The following LRRN1 variants were observed in gnomAD, a reference collection of about 807,000 sequenced individuals.
The protein encoded by LRRN1 is leucine rich repeat neuronal 1, also known as leucine-rich repeat neuronal protein 1.
A neutral mutation model predicts 45.8 loss-of-function variants in LRRN1; 14 were observed. That is an observed-to-expected ratio of 0.31 (90% CI 0.20 to 0.48). The LOEUF is 0.48. Ranked by LOEUF, LRRN1 falls within the 20% of genes least tolerant of loss-of-function variation. The pLI, the probability that LRRN1 is intolerant of heterozygous loss-of-function variation, is 0.99. For synonymous variants in LRRN1, 359 were observed against 330.1 expected, an observed-to-expected ratio of 1.09 and a Z score of -0.95; for missense variants, 789 against 874.2, an observed-to-expected ratio of 0.90 and a Z score of 1.23.
chr3:3,846,213 C>T lies in LRRN1; in HGVS notation c.1572C>T (p.Thr524=), dbSNP rs1313446685. Residue 524 remains threonine, a synonymous_variant, in exon 2 of 2, where the codon ACC becomes ACT. Coordinates refer to ENST00000319331, the MANE Select transcript of LRRN1 (RefSeq NM_020873.7). The surrounding 1 kb of genome is among the most constrained non-coding windows in gnomAD (Gnocchi z 5.7). ...TTAATGGGACCCTTCTGGATGGTACCCAGGTGCTAAAAATATACGTCAAGC... is the reference window on the plus strand; with the variant it reads ...TTAATGGGACCCTTCTGGATGGTACTCAGGTGCTAAAAATATACGTCAAGC... ...IKVNGTLLDG[T]QVLKIYVKQT... 4 of 1,613,980 alleles carry T rather than the reference C, an allele frequency of 2.5e-6. No homozygotes were observed. Among genetic ancestry groups the T allele is most frequent in the South Asian group, 2.2e-5 (2 of 91,080 alleles).
intron 1 of LRRN1, among the ~76,000 whole-genome samples, chr3:3,824,530 G>C (rs1693174597): frequency 9.4e-6 from 1 of 106,000 alleles, no homozygotes; most frequent in Non-Finnish European, 2.7e-5. Context: ...TTGTTCGGCT[G>C]ACCTGACTAA....
intron 1 of LRRN1, among the ~76,000 whole-genome samples, chr3:3,837,979 T>C (rs902069940): frequency 2.0e-5 from 3 of 152,128 alleles, no homozygotes; most frequent in Non-Finnish European, 4.4e-5. Context: ...AGTGAGAACA[T>C]GTGGTGTTTG....
intron 1 of LRRN1, among the ~76,000 whole-genome samples, chr3:3,806,520 C>T (rs777071605): frequency 6.6e-6 from 1 of 152,154 alleles, no homozygotes; most frequent in Non-Finnish European, 1.5e-5. Flanking sequence ...GAACTTTAAA[C>T]TGAAGATGGA....
chr3:3,837,727 TA>T lies in LRRN1; in HGVS notation c.-278-6635del, dbSNP rs530768133. Among the ~76,000 whole-genome samples, 12 of 151,818 alleles carry T rather than the reference TA, an allele frequency of 7.9e-5. No individual in the cohort carries two copies. In the East Asian group the frequency reaches 2.4e-3, roughly 30 times the overall value. ...TTTTTTCTTTTTTTTTAATTAATTT[TA>T]ATTTTTTTTTTTAAAGCTCCAGGGT... is the stretch of plus-strand genomic sequence containing the variant. On this transcript the variant is annotated intron_variant, in intron 1 of 1. Transcript: ENST00000319331.
At chr3:3,803,714 CTT>C (rs1482094947) in intron 1 of LRRN1, among the ~76,000 whole-genome samples, 3 of 152,156 alleles carry the variant, frequency 2.0e-5, no homozygotes, top group African/African-American at 4.8e-5. Context: ...TTTATTCTCT[CTT>C]GTTTTGGCTC....
At chr3:3,842,149 A>T (rs1440354096) in intron 1 of LRRN1, among the ~76,000 whole-genome samples, 1 of 152,204 alleles carries the variant, frequency 6.6e-6, no homozygotes, top group South Asian at 2.1e-4. Context: ...GGGTATAGTA[A>T]AAATATGGTA....
At chr3:3,830,831 T>C (rs1371201031) in intron 1 of LRRN1, among the ~76,000 whole-genome samples, 1 of 152,216 alleles carries the variant, frequency 6.6e-6, no homozygotes, top group Admixed American at 6.5e-5. Flanking sequence ...GGTTGCATGG[T>C]AGCTTGGTGA....
chr3:3,804,791 A>T (rs1692721270), intron 1 of LRRN1, among the ~76,000 whole-genome samples: 1 of 29,926 alleles, frequency 3.3e-5, no homozygotes, highest in Admixed American at 2.9e-4. Flanking sequence ...TTAACAATGT[A>T]CATGTGACAT....
intron 1 of LRRN1, among the ~76,000 whole-genome samples, chr3:3,825,372 T>C (rs1033788114): frequency 1.3e-5 from 2 of 152,144 alleles, no homozygotes; most frequent in African/African-American, 4.8e-5. Context: ...TGTGATGGAT[T>C]TGCCCTTGCC....
intron 1 of LRRN1, among the ~76,000 whole-genome samples, chr3:3,839,142 T>A (rs1030992625): frequency 2.6e-5 from 4 of 152,178 alleles, no homozygotes. Flanking sequence ...TTAGGTCTTA[T>A]GGTTAGGTCT....
chr3:3,802,484 C>T (rs1264058406), intron 1 of LRRN1, among the ~76,000 whole-genome samples: 2 of 152,142 alleles, frequency 1.3e-5, no homozygotes, highest in African/African-American at 2.4e-5. Flanking sequence ...AAAAAAAAGA[C>T]AACATTGTTT....
chr3:3,812,893 G>C (rs1435334278), intron 1 of LRRN1, among the ~76,000 whole-genome samples: 1 of 150,584 alleles, frequency 6.6e-6, no homozygotes, highest in Non-Finnish European at 1.5e-5. Flanking sequence ...GCATGTGAAC[G>C]TGGCACATAG....
At chr3:3,836,751 G>T (rs1693525455) in intron 1 of LRRN1, among the ~76,000 whole-genome samples, 2 of 152,164 alleles carry the variant, frequency 1.3e-5, no homozygotes, top group Non-Finnish European at 2.9e-5. Context: ...GATATGGGGG[G>T]TGGTACAATT....
In LRRN1 at chr3:3,846,585, T is replaced by C. The variant is rs2106473454; in HGVS notation, c.1944T>C (p.Ile648=). ...SMFAVISLAS[I]AVYFAKRFKR... is the part of the protein sequence containing the mutation. ...TTGCCGTCATTAGCCTTGCGTCCATTGCTGTGTACTTTGCCAAAAGATTTA... is the reference window on the plus strand; with the variant it reads ...TTGCCGTCATTAGCCTTGCGTCCATCGCTGTGTACTTTGCCAAAAGATTTA... The change falls in exon 2 of 2, where the codon ATT becomes ATC. Residue 648 remains isoleucine (I), a synonymous_variant. Coordinates refer to ENST00000319331, the MANE Select transcript of LRRN1 (RefSeq NM_020873.7). The surrounding 1 kb of genome is among the most constrained non-coding windows in gnomAD (Gnocchi z 5.7). The C allele has an allele frequency of 6.2e-7, 1 of 1,614,072 alleles. No homozygotes were observed. The highest frequency in any genetic ancestry group is 2.2e-5 in the East Asian group (1 of 44,866).
Position 3,845,347 on chromosome 3 carries a change from G to C in LRRN1, c.706G>C (p.Val236Leu), listed in dbSNP as rs973584824. The change falls in exon 2 of 2, where the codon GTG (valine) becomes CTG (leucine). Residue 236 changes from valine (V) to leucine (L), a missense_variant. By Grantham distance (32) the Val-to-Leu change is conservative (BLOSUM62 1). Transcript: ENST00000319331. The surrounding 1 kb of genome is among the most constrained non-coding windows in gnomAD (Gnocchi z 6.5). ...CACTGATATTCCTGGAAATGCTTTG[G>C]TGGGTCTGGATAGCCTTGAGAGCCT... Reference protein sequence around the residue: ...YLTDIPGNALVGLDSLESLSF... With the variant: ...YLTDIPGNALLGLDSLESLSF... 3.1e-6 allele frequency: 5 copies of C among 1,613,932 alleles called. No homozygotes were observed. The highest frequency in any genetic ancestry group is 2.2e-5 in the East Asian group (1 of 44,884).
Position 3,845,077 on chromosome 3 carries a change from C to T in LRRN1, c.436C>T (p.Gln146Ter). The T allele has an allele frequency of 6.2e-7, 1 of 1,614,144 alleles. No homozygotes were observed. Among genetic ancestry groups the T allele is most frequent in the Non-Finnish European group, 8.5e-7 (1 of 1,180,024 alleles). The change falls in exon 2 of 2, where the codon CAA (glutamine) becomes TAA (stop). Residue 146 changes from glutamine to a stop codon, truncating the protein, a stop_gained. Transcript: ENST00000319331. LOFTEE classifies it high-confidence loss of function. The surrounding 1 kb of genome is among the most constrained non-coding windows in gnomAD (Gnocchi z 6.5). Reference sequence around the variant, plus strand: ...CTGTCTACAAGACCTCAGCAACCTTCAAGAACTCTACATCAACCACAACCA... The same window carrying T: ...CTGTCTACAAGACCTCAGCAACCTTTAAGAACTCTACATCAACCACAACCA... ...DYCLQDLSNLQELYINHNQIS... is the reference protein window; with the variant it reads ...DYCLQDLSNL
Position 3,844,494 on chromosome 3 carries a change from C to T in LRRN1, c.-148C>T, listed in dbSNP as rs1462923612. The T allele has an allele frequency of 7.5e-6, 5 of 662,338 alleles. No individual in the cohort carries two copies. In the East Asian group the frequency reaches 1.4e-4, roughly 18 times the overall value. The allele number at this position is 662,338 out of a possible 1,614,324, so 41.0% of individuals were successfully genotyped here. A position where few individuals can be genotyped will look rare whatever the true frequency, so the allele number is the denominator to read the frequency against. On this transcript the variant is annotated 5_prime_UTR_variant, in exon 2 of 2. Coordinates refer to ENST00000319331, the MANE Select transcript of LRRN1 (RefSeq NM_020873.7). ...TTTTGAAAACTCCTGAAAACCATCC[C>T]TTTGGACTCTGGAATTCTACACAGC...
At chr3:3,802,988 GTTTA>G (rs769741039) in intron 1 of LRRN1, among the ~76,000 whole-genome samples, 1 of 99,118 alleles carries the variant, frequency 1.0e-5, no homozygotes, top group African/African-American at 2.9e-5. Context: ...CTGATAAAGT[GTTTA>G]ATTATTAGAA....
intron 1 of LRRN1, among the ~76,000 whole-genome samples, chr3:3,843,269 C>T (rs937827366): frequency 5.3e-5 from 8 of 152,196 alleles, no homozygotes; most frequent in East Asian, 1.9e-4. Context: ...GACATTCTCA[C>T]GAGATTAATG....
Sources: gnomAD v4.1 joint callset for allele counts (sites outside exome capture counted in the v4.1 genomes callset) on GRCh38, gnomAD v4.1.1 for gene constraint, Gnocchi (gnomAD v3.1) non-coding constraint, MANE v1.5 for transcripts, NCBI Gene and HGNC (gene_info 2026-07-23, HGNC 2026-07-21) for gene names.